The following TANGO6 variants were observed in gnomAD, a reference collection of about 807,000 sequenced individuals.
TANGO6 encodes the protein transport and Golgi organization protein 6 homolog.
A neutral mutation model predicts 114.2 loss-of-function variants in TANGO6; 90 were observed. That is an observed-to-expected ratio of 0.79 (90% CI 0.66 to 0.94). The LOEUF (loss-of-function observed/expected upper bound fraction) is 0.94. Ranked by LOEUF, TANGO6 falls within the 40% of genes least tolerant of loss-of-function variation. TANGO6 has a pLI of 0.00. For synonymous variants in TANGO6, 477 were observed against 509.8 expected, an observed-to-expected ratio of 0.94 and a Z score of 0.87; for missense variants, 1,274 against 1,315.3, an observed-to-expected ratio of 0.97 and a Z score of 0.49.
intron 14 of TANGO6, among the ~76,000 whole-genome samples, chr16:68,950,077 G>T (rs934576148): frequency 6.6e-6 from 1 of 152,184 alleles, no homozygotes; most frequent in Admixed American, 6.5e-5. Flanking sequence ...TGAATGAAAT[G>T]TCCAAAACAG....
rs373651650 is a variant in TANGO6, at chr16:69,084,676, C to G, written c.*1015C>G. 3.3e-5 allele frequency: 5 copies of G among 152,494 alleles called. 1 individual carries two copies. The highest frequency in any genetic ancestry group is 9.6e-5 in the African/African-American group (4 of 41,586). The allele number at this position is 152,494 out of a possible 1,614,324, so 9.4% of individuals were successfully genotyped here. A position where few individuals can be genotyped will look rare whatever the true frequency, so the allele number is the denominator to read the frequency against. The stretch of plus-strand genomic sequence containing the variant: ...TGGCTGGCTGCTTCATATTAGCCCT[C>G]TCTGTTGTCAACACCTTGATGAGGC... On this transcript the variant is annotated 3_prime_UTR_variant, in exon 18 of 18. Coordinates refer to ENST00000261778, the MANE Select transcript of TANGO6 (RefSeq NM_024562.2).
intron 14 of TANGO6, among the ~76,000 whole-genome samples, chr16:68,935,953 G>T (rs944847214): frequency 2.7e-4 from 41 of 152,156 alleles, no homozygotes; most frequent in African/African-American, 9.4e-4. Flanking sequence ...GGCTGAGGTG[G>T]GAGGATTGCT....
chr16:68,876,057 T>A (rs1028567512), intron 5 of TANGO6, among the ~76,000 whole-genome samples: 2 of 152,228 alleles, frequency 1.3e-5, no homozygotes, highest in African/African-American at 2.4e-5. Flanking sequence ...ATTCTGTGTA[T>A]TATGCATATA....
At chr16:68,876,297 G>A (rs2152168074) in intron 5 of TANGO6, among the ~76,000 whole-genome samples, 1 of 152,122 alleles carries the variant, frequency 6.6e-6, no homozygotes, top group Middle Eastern at 3.4e-3. Context: ...GAGTAGCTGG[G>A]ATTACAGGCA....
chr16:68,929,422 A>G (rs1350449526), intron 13 of TANGO6, among the ~76,000 whole-genome samples: 1 of 152,100 alleles, frequency 6.6e-6, no homozygotes, highest in Non-Finnish European at 1.5e-5. Flanking sequence ...TGCTTACTCC[A>G]TAAAAGATTC....
In TANGO6 at chr16:68,865,917, CA is replaced by C. The variant is rs200848528; in HGVS notation, c.853-1150del. On this transcript the variant is annotated intron_variant, in intron 3 of 17. Transcript: ENST00000261778. ...TGGGCAACAGAGCAAGACTCCGTCT[CA>C]AAAAAAAAAAAGAAATCCAACTCTT... is the stretch of plus-strand genomic sequence containing the variant. Among the ~76,000 whole-genome samples the C allele has an allele frequency of 6.2e-3, 880 of 141,162 alleles. 5 individuals are homozygous for C. The highest frequency in any genetic ancestry group is 0.018 in the African/African-American group (705 of 38,224). The allele number at this position is 141,162 out of a possible 152,430, so 92.6% of individuals were successfully genotyped here.
intron 7 of TANGO6, among the ~76,000 whole-genome samples, chr16:68,896,296 C>A (rs2152179031): frequency 6.6e-6 from 1 of 152,040 alleles, no homozygotes; most frequent in African/African-American, 2.4e-5. Context: ...TATGAGCCAC[C>A]ACACCCAGCC....
intron 17 of TANGO6, among the ~76,000 whole-genome samples, chr16:69,045,328 T>C (rs373425653): frequency 6.9e-5 from 10 of 144,402 alleles, no homozygotes; most frequent in Admixed American, 2.8e-4. Flanking sequence ...CCTGTAGTCC[T>C]AGCTACTCGG....
chr16:69,019,432 ATT>A (rs1468711399), intron 15 of TANGO6, among the ~76,000 whole-genome samples: 1 of 152,220 alleles, frequency 6.6e-6, no homozygotes, highest in African/African-American at 2.4e-5. Context: ...AATTGGGAGC[ATT>A]TTGGAGAAAG....
intron 2 of TANGO6, among the ~76,000 whole-genome samples, chr16:68,860,986 C>T (rs1962084222): frequency 6.6e-6 from 1 of 152,146 alleles, no homozygotes; most frequent in Admixed American, 6.5e-5. Flanking sequence ...TGGTACACTG[C>T]AGAACTCTGT....
intron 15 of TANGO6, among the ~76,000 whole-genome samples, chr16:68,985,398 G>A (rs1369802049): frequency 6.6e-6 from 1 of 152,064 alleles, no homozygotes; most frequent in Non-Finnish European, 1.5e-5. Context: ...GAAGTTATTA[G>A]GTCAACATAT....
intron 14 of TANGO6, among the ~76,000 whole-genome samples, chr16:68,947,817 C>G (rs1269876854): frequency 6.6e-6 from 1 of 152,006 alleles, no homozygotes; most frequent in Non-Finnish European, 1.5e-5. Flanking sequence ...GTCTGAAACT[C>G]CTGACCTCAG....
At chr16:68,934,474 A>G (rs889554831) in intron 14 of TANGO6, among the ~76,000 whole-genome samples, 3 of 152,204 alleles carry the variant, frequency 2.0e-5, no homozygotes, top group African/African-American at 7.2e-5. Flanking sequence ...GACCACCCAA[A>G]GTGGTAAAGG....
chr16:68,972,158 T>A (rs916888574), intron 14 of TANGO6, among the ~76,000 whole-genome samples: 2 of 151,752 alleles, frequency 1.3e-5, no homozygotes, highest in African/African-American at 2.4e-5. Flanking sequence ...GGATTGGAGG[T>A]GTGGTTTAGG....
At chr16:69,013,558 A>G (rs1959231492) in intron 15 of TANGO6, among the ~76,000 whole-genome samples, 1 of 151,746 alleles carries the variant, frequency 6.6e-6, no homozygotes, top group South Asian at 2.1e-4. Context: ...TCAAGTCTGC[A>G]ATAAGCCGTG....
chr16:69,019,638 T>C (rs1308350660), intron 15 of TANGO6, among the ~76,000 whole-genome samples: 2 of 151,092 alleles, frequency 1.3e-5, no homozygotes, highest in East Asian at 1.9e-4. Flanking sequence ...AGTTCTATAA[T>C]TGTCAGTACT....
intron 14 of TANGO6, among the ~76,000 whole-genome samples, chr16:68,966,758 C>T (rs1024803614): frequency 1.5e-4 from 23 of 150,558 alleles, no homozygotes; most frequent in African/African-American, 5.6e-4. Context: ...CATGCACCAC[C>T]ATGTCTGGCT....
At chr16:68,956,856 A>AG (rs1015280676) in intron 14 of TANGO6, among the ~76,000 whole-genome samples, 15 of 152,268 alleles carry the variant, frequency 9.9e-5, no homozygotes, top group African/African-American at 3.4e-4. Flanking sequence ...CTGTCTCAAA[A>AG]GAAAAAAAAG....
At chr16:68,931,073 C>T (rs1963233924) in intron 14 of TANGO6, among the ~76,000 whole-genome samples, 1 of 152,192 alleles carries the variant, frequency 6.6e-6, no homozygotes, top group African/African-American at 2.4e-5. Flanking sequence ...TCCACATCCC[C>T]TTTAACTTGT....
Sources: allele counts gnomAD v4.1 joint callset (sites outside exome capture counted in the v4.1 genomes callset), GRCh38; gene constraint gnomAD v4.1.1; transcripts MANE v1.5; gene names NCBI Gene and HGNC (gene_info 2026-07-23, HGNC 2026-07-21).